ISL1: variants seen among roughly 807,000 people sequenced by gnomAD.
ISL1 encodes insulin gene enhancer protein ISL-1.
ISL1 carries 4 observed loss-of-function variants against 35.3 expected under a neutral mutation model. The ratio of observed to expected loss-of-function variants is 0.11; its 90% CI spans 0.06 to 0.26. The LOEUF (loss-of-function observed/expected upper bound fraction) is 0.26, where lower values mean the gene tolerates loss of function less well. Among genes scored for constraint, ISL1 ranks in the 10% least tolerant of loss-of-function variants. The pLI is 1.00. For missense variants in ISL1, 340 were observed against 472.8 expected (o/e 0.72, Z 2.60); for synonymous variants, 186 against 172.3 (o/e 1.08, Z -0.62).
Position 51,394,566 on chromosome 5 carries a change from G to A in ISL1, c.*956G>A, listed in dbSNP as rs1455608451. 10 of 151,434 alleles carry A rather than the reference G, an allele frequency of 6.6e-5. No individual in the cohort carries two copies. Among genetic ancestry groups the A allele is most frequent in the African/African-American group, 2.4e-4 (10 of 41,054 alleles). 9.4% of individuals were successfully genotyped at this position (151,434 alleles called of 1,614,324 possible). A position where few individuals can be genotyped will look rare whatever the true frequency, so the allele number is the denominator to read the frequency against. ...CATTTGACATTTTTTGTTTGCTGAA[G>A]TGAAAAAAAAAGATAAAGGTTGTAC... On this transcript the variant is annotated 3_prime_UTR_variant, in exon 6 of 6. Coordinates refer to ENST00000230658, the MANE Select transcript of ISL1 (RefSeq NM_002202.3).
chr5:51,384,829 T>C, intron 2 of ISL1, 99 bp downstream of exon 2: 2 of 1,191,894 alleles, frequency 1.7e-6, no homozygotes, highest in South Asian at 1.2e-5. Flanking sequence ...TTGTGAAGTT[T>C]GCCTCAGTGT....
chr5:51,390,636 CTTTTTCTTTTTTT>C (rs1401932814), intron 4 of ISL1, among the ~76,000 whole-genome samples: 900 of 74,310 alleles, frequency 0.012, 8 homozygotes, highest in South Asian at 0.025. Context: ...TCTTTTCTTT[CTTTTTCTTTTTTT>C]TTTTTTTTTT....
rs143138197 is a variant in ISL1 at position 51,386,363 on chromosome 5, C to T, written c.219-1127C>T. On this transcript the variant is annotated intron_variant, in intron 2 of 5. Coordinates refer to ENST00000230658, the MANE Select transcript of ISL1 (RefSeq NM_002202.3). Reference sequence around the variant, plus strand: ...ACTAATCATTTTTACCTTCTCTTCACTCTCTCTCAACTCTGTGTGTGTGTG... The same window carrying T: ...ACTAATCATTTTTACCTTCTCTTCATTCTCTCTCAACTCTGTGTGTGTGTG... 234 of 289,650 alleles carry T rather than the reference C, an allele frequency of 8.1e-4. 2 individuals are homozygous for T. In the East Asian group the frequency reaches 0.018, roughly 22 times the overall value. The allele number at this position is 289,650 out of a possible 1,614,324, so 17.9% of individuals were successfully genotyped here. A position where few individuals can be genotyped will look rare whatever the true frequency, so the allele number is the denominator to read the frequency against.
chr5:51,384,244 G>GGC lies in ISL1; in HGVS notation c.29-296_29-295insCG, dbSNP rs536107260. On this transcript the variant is annotated intron_variant, in intron 1 of 5. Transcript: ENST00000230658. Reference sequence around the variant, plus strand: ...TCCCAATGATTATAGCAAAGAGGAAGGGGGGGGGGAGAAATACAAAATGAG... The same window carrying GGC: ...TCCCAATGATTATAGCAAAGAGGAAGGCGGGGGGGGGAGAAATACAAAATGAG... Among the ~76,000 whole-genome samples the GGC allele has an allele frequency of 2.9e-4, 25 of 85,336 alleles. No individual in the cohort carries two copies. In the South Asian group the frequency reaches 9.5e-3, roughly 32 times the overall value. The allele number at this position is 85,336 out of a possible 152,430, so 56.0% of individuals were successfully genotyped here. A position where few individuals can be genotyped will look rare whatever the true frequency, so the allele number is the denominator to read the frequency against.
rs776087920 is a variant in ISL1, at chr5:51,387,471, TC to T, written c.219-13del. 2.2e-4 allele frequency: 350 copies of T among 1,613,066 alleles called. No individual in the cohort carries two copies. The highest frequency in any genetic ancestry group is 2.8e-4 in the Non-Finnish European group (330 of 1,179,704). On this transcript the variant is annotated intron_variant, in intron 2 of 5. Transcript: ENST00000230658. This position sits in a 1 kb window ranked among gnomAD's most constrained non-coding sequence, Gnocchi z 4.3. ...TCTCCCCGCTCTGGGCCGCCTCCGC[TC>T]CCCCCTCCCCCGCACAGGTTGTACG... is the stretch of plus-strand genomic sequence containing the variant.
chr5:51,390,142 AG>A (rs1319756724), intron 4 of ISL1, among the ~76,000 whole-genome samples: 3 of 152,048 alleles, frequency 2.0e-5, no homozygotes, highest in African/African-American at 7.2e-5. Flanking sequence ...GGAAGCTGGG[AG>A]GCTCCGTGCG....
chr5:51,385,649 T>C (rs1316108868), intron 2 of ISL1, among the ~76,000 whole-genome samples: 3 of 152,014 alleles, frequency 2.0e-5, no homozygotes, highest in Non-Finnish European at 4.4e-5. Context: ...GACTTGTGTG[T>C]ATGTATCAGA....
chr5:51,390,270 G>T (rs1332547134), intron 4 of ISL1, among the ~76,000 whole-genome samples: 1 of 152,202 alleles, frequency 6.6e-6, no homozygotes, highest in Non-Finnish European at 1.5e-5. Context: ...CGGCAACGAG[G>T]TTTGGCCCGG....
intron 1 of ISL1, 146 bp downstream of exon 1, chr5:51,383,845 C>G (rs770751749): frequency 2.5e-5 from 19 of 746,002 alleles, no homozygotes; most frequent in Non-Finnish European, 3.9e-5. Flanking sequence ...TTGTTGCCGC[C>G]ACGCCTGCAT....
chr5:51,386,417 C>A (rs1215759483), intron 2 of ISL1: 4 of 346,298 alleles, frequency 1.2e-5, no homozygotes, highest in East Asian at 7.8e-5. Flanking sequence ...TGTGTGTAAT[C>A]TTGTAGTTGT....
chr5:51,387,551 C>T lies in ISL1; in HGVS notation c.280C>T (p.Arg94Cys). Reference sequence around the variant, plus strand: ...CTTCAGCAAGAACGACTTCGTGATGCGTGCCCGCTCCAAGGTGTATCACAT... The same window carrying T: ...CTTCAGCAAGAACGACTTCGTGATGTGTGCCCGCTCCAAGGTGTATCACAT... ...IGFSKNDFVM[R>C]ARSKVYHIEC... Residue 94 changes from arginine to cysteine, a missense_variant, in exon 3 of 6, where the codon CGT becomes TGT. Coordinates refer to ENST00000230658, the MANE Select transcript of ISL1 (RefSeq NM_002202.3). The surrounding 1 kb of genome is among the most constrained non-coding windows in gnomAD (Gnocchi z 4.3). 1 of 1,614,222 alleles carries T rather than the reference C, an allele frequency of 6.2e-7. No individual in the cohort carries two copies. Among genetic ancestry groups the T allele is most frequent in the Non-Finnish European group, 8.5e-7 (1 of 1,180,040 alleles).
rs1747575360 is a variant in ISL1, at chr5:51,393,895, C to T, written c.*285C>T. 4 of 434,354 alleles carry T rather than the reference C, an allele frequency of 9.2e-6. No homozygotes were observed. Among genetic ancestry groups the T allele is most frequent in the South Asian group, 2.4e-5 (1 of 40,912 alleles). 26.9% of individuals were successfully genotyped at this position (434,354 alleles called of 1,614,324 possible). ...CTGAAAAAAAAAGACGTTTTTAAAA[C>T]GTAGAGGATTTATATTCAAGGATCT... is the stretch of plus-strand genomic sequence containing the variant. On this transcript the variant is annotated 3_prime_UTR_variant, in exon 6 of 6. Transcript: ENST00000230658.
rs1747577345 is a variant in ISL1 at position 51,393,978 on chromosome 5, T to C, written c.*368T>C. Reference sequence around the variant, plus strand: ...AGAGAAAAACAAAAATAGAAAATTTTCTAGTCCATCCTAATCTGAATGGTG... The same window carrying C: ...AGAGAAAAACAAAAATAGAAAATTTCCTAGTCCATCCTAATCTGAATGGTG... On this transcript the variant is annotated 3_prime_UTR_variant, in exon 6 of 6. Transcript: ENST00000230658. The C allele has an allele frequency of 3.2e-6, 1 of 311,334 alleles. No individual in the cohort carries two copies. Among genetic ancestry groups the C allele is most frequent in the African/African-American group, 2.2e-5 (1 of 45,574 alleles). 19.3% of individuals were successfully genotyped at this position (311,334 alleles called of 1,614,324 possible).
chr5:51,391,072 AG>A (rs112737961), intron 4 of ISL1, among the ~76,000 whole-genome samples: 3,279 of 152,272 alleles, frequency 0.022, 130 homozygotes, highest in African/African-American at 0.076. Flanking sequence ...CTAATAGTCC[AG>A]CCCACAGAGG....
intron 2 of ISL1, among the ~76,000 whole-genome samples, chr5:51,385,555 T>G (rs1454554221): frequency 7.0e-6 from 1 of 143,212 alleles, no homozygotes; most frequent in African/African-American, 2.6e-5. Flanking sequence ...TTTCTGAGTT[T>G]GGTTTTGTTG....
intron 2 of ISL1, chr5:51,386,513 T>C: frequency 2.2e-6 from 1 of 448,816 alleles, no homozygotes; most frequent in South Asian, 1.6e-5. Flanking sequence ...GATCTTTTCC[T>C]CTCTCTTCCA....
At position 51,393,584 on chromosome 5, in the gene ISL1, A is replaced by G. The variant is rs1747567535; in HGVS notation, c.1024A>G (p.Met342Val). 5 of 1,609,718 alleles carry G rather than the reference A, an allele frequency of 3.1e-6. No individual in the cohort carries two copies. The highest frequency in any genetic ancestry group is 4.3e-6 in the Non-Finnish European group (5 of 1,176,004). The change falls in exon 6 of 6, where the codon ATG becomes GTG. Residue 342 changes from methionine (M) to valine (V), a missense_variant. By Grantham distance (21) the Met-to-Val change is conservative. Around this residue, in one of 7 missense-constraint regions of ISL1, gnomAD observed 104 missense variants for 97.3 expected, o/e 1.07. Transcript: ENST00000230658. ...TCAACTTCCAGATACACCTAACAGC[A>G]TGGTAGCCAGTCCTATTGAGGCATG... ...SSQLPDTPNS[M>V]VASPIEA is the part of the protein sequence containing the mutation.
At position 51,393,852 on chromosome 5, in the gene ISL1, T is replaced by G. The variant is rs1747573937; in HGVS notation, c.*242T>G. 1.4e-5 allele frequency: 8 copies of G among 556,074 alleles called. No homozygotes were observed. Among genetic ancestry groups the G allele is most frequent in the Non-Finnish European group, 6.4e-6 (2 of 310,828 alleles). The allele number at this position is 556,074 out of a possible 1,614,324, so 34.4% of individuals were successfully genotyped here. On this transcript the variant is annotated 3_prime_UTR_variant, in exon 6 of 6. Transcript: ENST00000230658. ...AAACGCAAAACCCAGTATATGCTAT[T>G]CAATGATCTTAGAAGTACTGAAAAA...
At chr5:51,386,567 A>G (rs2111840044) in intron 2 of ISL1, 1 of 455,978 alleles carries the variant, frequency 2.2e-6, no homozygotes, top group South Asian at 1.6e-5. Flanking sequence ...TTATTCCTGA[A>G]AGATGGAGAA....
Sources: allele counts gnomAD v4.1 joint callset (sites outside exome capture counted in the v4.1 genomes callset), GRCh38; gene constraint gnomAD v4.1.1; regional missense constraint gnomAD v4.1.1; non-coding constraint Gnocchi (gnomAD v3.1); transcripts MANE v1.5; gene names NCBI Gene and HGNC (gene_info 2026-07-23, HGNC 2026-07-21).